SHC3: variants seen among roughly 807,000 people sequenced by gnomAD.
SHC3 encodes SHC-transforming protein 3.
A neutral mutation model predicts 60.4 loss-of-function variants in SHC3; 15 were observed. The ratio of observed to expected loss-of-function variants is 0.25; its 90% confidence interval spans 0.17 to 0.38. The LOEUF (loss-of-function observed/expected upper bound fraction) is 0.38, where lower values mean the gene tolerates loss of function less well. SHC3 is among the 10% of genes least tolerant of loss of function. SHC3 has a pLI of 1.00. For synonymous variants in SHC3, 294 were observed against 325.9 expected (o/e 0.90, Z 1.05); for missense variants, 677 against 786.1 (o/e 0.86, Z 1.66).
intron 1 of SHC3, among the ~76,000 whole-genome samples, chr9:89,114,677 A>C (rs1468146651): frequency 6.6e-6 from 1 of 152,134 alleles, no homozygotes; most frequent in East Asian, 1.9e-4. Flanking sequence ...ATATTTATAT[A>C]AATAACATGA....
At chr9:89,043,451 T>G (rs1404930759) in intron 9 of SHC3, among the ~76,000 whole-genome samples, 1 of 152,162 alleles carries the variant, frequency 6.6e-6, no homozygotes, top group South Asian at 2.1e-4. Context: ...CATTAAAAAA[T>G]TTTAAAAGGA....
chr9:89,063,591 T>C (rs1417108524), intron 6 of SHC3, among the ~76,000 whole-genome samples: 1 of 152,182 alleles, frequency 6.6e-6, no homozygotes, highest in Non-Finnish European at 1.5e-5. Flanking sequence ...TGAGACTCCA[T>C]GGAGAGGGCT....
At chr9:89,117,731 C>T (rs1168407421) in intron 1 of SHC3, among the ~76,000 whole-genome samples, 2 of 151,976 alleles carry the variant, frequency 1.3e-5, no homozygotes, top group Non-Finnish European at 2.9e-5. Context: ...TACTAATATT[C>T]TCCTTTTATT....
intron 2 of SHC3, among the ~76,000 whole-genome samples, chr9:89,104,075 C>T (rs1415803886): frequency 6.6e-6 from 1 of 151,946 alleles, no homozygotes; most frequent in African/African-American, 2.4e-5. Context: ...GAATGAACAC[C>T]ACGGATTCAT....
At chr9:89,151,999 T>C (rs979450971) in intron 1 of SHC3, among the ~76,000 whole-genome samples, 1 of 152,268 alleles carries the variant, frequency 6.6e-6, no homozygotes, top group African/African-American at 2.4e-5. Context: ...CCCAGACTTC[T>C]GGATTTGCAA....
At chr9:89,163,295 GTA>G (rs1391754421) in intron 1 of SHC3, among the ~76,000 whole-genome samples, 1 of 152,166 alleles carries the variant, frequency 6.6e-6, no homozygotes, top group African/African-American at 2.4e-5. Context: ...ACATGCACAT[GTA>G]TGTTTATTGC....
chr9:89,136,820 C>T (rs181620926), intron 1 of SHC3, among the ~76,000 whole-genome samples: 73 of 151,956 alleles, frequency 4.8e-4, no homozygotes, highest in African/African-American at 1.6e-3. Context: ...TTTCAGGTAA[C>T]AATATGGCTG....
At chr9:89,067,138 G>A (rs1222960920) in intron 5 of SHC3, among the ~76,000 whole-genome samples, 1 of 152,204 alleles carries the variant, frequency 6.6e-6, no homozygotes, top group East Asian at 1.9e-4. Context: ...TCGTCCACCT[G>A]GTCAAACTGG....
Position 89,010,418 on chromosome 9 carries a change from AG to A in SHC3, c.*3028del, listed in dbSNP as rs1826000651. 1 of 152,232 alleles carries A rather than the reference AG, an allele frequency of 6.6e-6. No homozygotes were observed. Among genetic ancestry groups the A allele is most frequent in the South Asian group, 2.1e-4 (1 of 4,836 alleles). 9.4% of individuals were successfully genotyped at this position (152,232 alleles called of 1,614,324 possible). A position where few individuals can be genotyped will look rare whatever the true frequency, so the allele number is the denominator to read the frequency against. ...GAGGCCCAGCCGGCCTCCGTGGGAC[AG>A]AGATGTCATTTGAAGCACAGCTGAT... is the stretch of plus-strand genomic sequence containing the variant. On this transcript the variant is annotated 3_prime_UTR_variant, in exon 12 of 12. Coordinates refer to ENST00000375835, the MANE Select transcript of SHC3 (RefSeq NM_016848.6).
At chr9:89,153,864 A>G (rs983156733) in intron 1 of SHC3, among the ~76,000 whole-genome samples, 2 of 152,172 alleles carry the variant, frequency 1.3e-5, no homozygotes, top group Non-Finnish European at 2.9e-5. Flanking sequence ...AGGACTGGGG[A>G]TGGCTCAGAC....
chr9:89,028,615 GAT>G lies in SHC3; in HGVS notation c.1656+9376_1656+9377del, dbSNP rs1824413323. Among the ~76,000 whole-genome samples the G allele has an allele frequency of 2.2e-5, 3 of 134,156 alleles. No homozygotes were observed. The South Asian group carries it at 6.6e-4, about 30-fold the overall frequency. The allele number at this position is 134,156 out of a possible 152,430, so 88.0% of individuals were successfully genotyped here. On this transcript the variant is annotated intron_variant, in intron 11 of 11. Transcript: ENST00000375835. ...TGTTTATGTGTATATATATGCTATA[GAT>G]ATAGATTATCTCTCTATATAGATAT...
intron 1 of SHC3, among the ~76,000 whole-genome samples, chr9:89,125,352 G>T (rs1444570554): frequency 3.1e-4 from 45 of 146,622 alleles, no homozygotes; most frequent in Non-Finnish European, 1.5e-4. Flanking sequence ...TTTAATGTTA[G>T]TTTTTTTTTT....
At chr9:89,028,017 T>G in intron 11 of SHC3, among the ~76,000 whole-genome samples, 1 of 152,116 alleles carries the variant, frequency 6.6e-6, no homozygotes, top group South Asian at 2.1e-4. Context: ...TCCAAAGAAA[T>G]TAAACATGCT....
At chr9:89,033,546 C>T (rs891598364) in intron 11 of SHC3, among the ~76,000 whole-genome samples, 2 of 152,204 alleles carry the variant, frequency 1.3e-5, no homozygotes, top group African/African-American at 4.8e-5. Context: ...ATCACCTCCA[C>T]AGGCTCTCAA....
intron 1 of SHC3, among the ~76,000 whole-genome samples, chr9:89,154,184 A>AT (rs1225682283): frequency 6.6e-6 from 1 of 150,512 alleles, no homozygotes; most frequent in Non-Finnish European, 1.5e-5. Flanking sequence ...ACATTATGAG[A>AT]TTTTTTTGTG....
intron 6 of SHC3, among the ~76,000 whole-genome samples, chr9:89,059,407 T>C (rs1394572185): frequency 1.5e-5 from 2 of 129,128 alleles, no homozygotes; most frequent in Non-Finnish European, 3.2e-5. Context: ...TAGAGGATGA[T>C]GGTGGAGGAT....
rs773848631 is a variant in SHC3, at chr9:89,166,625, G to A, written c.474+11362C>T. 7.2e-5 allele frequency among the ~76,000 whole-genome samples: 11 copies of A among 152,208 alleles called. No homozygotes were observed. The South Asian group carries it at 8.3e-4, about 11-fold the overall frequency. On this transcript the variant is annotated intron_variant, in intron 1 of 11. Coordinates refer to ENST00000375835, the MANE Select transcript of SHC3 (RefSeq NM_016848.6). The stretch of plus-strand genomic sequence containing the variant: ...TCGAAAAGGGGTTTAGATTTCATAC[G>A]AGGGGGCACCAATGAACCTTTTCCA...
intron 2 of SHC3, among the ~76,000 whole-genome samples, chr9:89,093,523 T>A (rs1825656500): frequency 7.0e-6 from 1 of 143,464 alleles, no homozygotes; most frequent in Non-Finnish European, 1.5e-5. Context: ...TGCAAAAAGC[T>A]CCCACAAATT....
In SHC3 at chr9:89,077,850, T is replaced by C. The variant is rs1400356266; in HGVS notation, c.599A>G (p.Lys200Arg). The C allele has an allele frequency of 5.0e-6, 8 of 1,614,080 alleles. No individual in the cohort carries two copies. Among genetic ancestry groups the C allele is most frequent in the African/African-American group, 1.3e-5 (1 of 74,920 alleles). The change falls in exon 3 of 12, where the codon AAG becomes AGG. Residue 200 changes from lysine to arginine, a missense_variant. By Grantham distance (26) the Lys-to-Arg change is conservative (BLOSUM62 2). Coordinates refer to ENST00000375835, the MANE Select transcript of SHC3 (RefSeq NM_016848.6). ...EAVPGAKGAF[K>R]KRKPPSKMLS... ...CATTGAGGACAGTACCTTTCTCTTC[T>C]TGAAGGCTCCCTTCGCACCAGGCAC...
Sources: gnomAD v4.1 joint callset for allele counts (sites outside exome capture counted in the v4.1 genomes callset) on GRCh38, gnomAD v4.1.1 for gene constraint, MANE v1.5 for transcripts, NCBI Gene and HGNC (gene_info 2026-07-23, HGNC 2026-07-21) for gene names.